ITPR2: variants seen among roughly 807,000 people sequenced by gnomAD.
ITPR2 encodes inositol 1,4,5-trisphosphate-gated calcium channel ITPR2.
Under a neutral mutation model 317.1 loss-of-function variants are expected in ITPR2, and 207 were observed. That is an observed-to-expected ratio of 0.65 (90% CI 0.58 to 0.73). The LOEUF (loss-of-function observed/expected upper bound fraction) is 0.73. ITPR2 is among the 30% of genes least tolerant of loss of function. The pLI is 0.00. For missense variants in ITPR2, 2,613 were observed against 3,284.0 expected (o/e 0.80, Z 4.99); for synonymous variants, 1,156 against 1,149.1 (o/e 1.01, Z -0.12).
intron 34 of ITPR2, among the ~76,000 whole-genome samples, chr12:26,576,123 T>C (rs1405499838): frequency 2.0e-5 from 3 of 152,244 alleles, no homozygotes; most frequent in Non-Finnish European, 4.4e-5. Flanking sequence ...TTCTTTGCTT[T>C]TCCTTTGATT....
chr12:26,531,833 T>C (rs1399112512), intron 37 of ITPR2, among the ~76,000 whole-genome samples: 1 of 152,188 alleles, frequency 6.6e-6, no homozygotes, highest in Non-Finnish European at 1.5e-5. Context: ...AGATACTTGC[T>C]TGAGGACAGA....
At chr12:26,712,737 A>C (rs574790001) in intron 8 of ITPR2, among the ~76,000 whole-genome samples, 2 of 152,258 alleles carry the variant, frequency 1.3e-5, no homozygotes, top group East Asian at 3.9e-4. Flanking sequence ...CAGACTAAGA[A>C]CTACTCTCCT....
chr12:26,549,624 C>T (rs1944475707), intron 37 of ITPR2, among the ~76,000 whole-genome samples: 1 of 151,974 alleles, frequency 6.6e-6, no homozygotes, highest in Non-Finnish European at 1.5e-5. Context: ...AAGTGTATCA[C>T]CTTGGGTATC....
chr12:26,623,409 C>T (rs1946546183), intron 24 of ITPR2: 1 of 152,102 alleles, frequency 6.6e-6, no homozygotes. Context: ...TCAGGTAACC[C>T]TTACTTTACT....
intron 2 of ITPR2, among the ~76,000 whole-genome samples, chr12:26,753,635 T>C (rs1253899669): frequency 6.6e-6 from 1 of 152,164 alleles, no homozygotes; most frequent in East Asian, 1.9e-4. Flanking sequence ...AATCACTGTT[T>C]ATCTTCTGTA....
intron 37 of ITPR2, among the ~76,000 whole-genome samples, chr12:26,546,454 T>C (rs920617036): frequency 1.3e-5 from 2 of 152,162 alleles, no homozygotes; most frequent in Non-Finnish European, 2.9e-5. Context: ...ATTTGTCTTT[T>C]TGTACCTGGC....
At chr12:26,391,112 G>A (rs922568986) in intron 54 of ITPR2, among the ~76,000 whole-genome samples, 1 of 152,178 alleles carries the variant, frequency 6.6e-6, no homozygotes, top group Non-Finnish European at 1.5e-5. Context: ...TGGAGAAGAA[G>A]TGAATGGTAA....
rs542242295 is a variant in ITPR2, at chr12:26,515,354, T to G, written c.5074-20094A>C. ...TTCTGGGGCAAGTGTGAACATTATT[T>G]TACTTCCATATTTGAACAGCACCTG... On this transcript the variant is annotated intron_variant, in intron 37 of 56. Coordinates refer to ENST00000381340, the MANE Select transcript of ITPR2 (RefSeq NM_002223.4). 2.6e-5 allele frequency among the ~76,000 whole-genome samples: 4 copies of G among 152,250 alleles called. No homozygotes were observed. The East Asian group carries it at 7.7e-4, about 29-fold the overall frequency.
chr12:26,567,906 A>G (rs1945017329), intron 34 of ITPR2, among the ~76,000 whole-genome samples: 1 of 144,032 alleles, frequency 6.9e-6, no homozygotes, highest in Non-Finnish European at 1.5e-5. Flanking sequence ...ATCCAAAGTT[A>G]GCTTACTTTT....
Position 26,578,779 on chromosome 12 carries a change from A to G in ITPR2, c.4564T>C (p.Cys1522Arg). The G allele has an allele frequency of 6.2e-7, 1 of 1,611,444 alleles. No individual in the cohort carries two copies. Among genetic ancestry groups the G allele is most frequent in the Non-Finnish European group, 8.5e-7 (1 of 1,178,012 alleles). The change falls in exon 34 of 57, where the codon TGC (cysteine) becomes CGC (arginine). Residue 1522 changes from cysteine to arginine, a missense_variant. Cys to Arg is a radical substitution (Grantham distance 180). This residue lies in a region of ITPR2 where 926 missense variants were observed against 1,072.8 expected (regional missense o/e 0.86). Transcript: ENST00000381340. ...TTCTGCGCTGGGTTTGGCCAGGTGCAATTGTAAATTCTGAAGGCAGATTGC... is the reference window on the plus strand; with the variant it reads ...TTCTGCGCTGGGTTTGGCCAGGTGCGATTGTAAATTCTGAAGGCAGATTGC... ...LLQSAFRIYN[C>R]TWPNPAQKAS...
intron 2 of ITPR2, among the ~76,000 whole-genome samples, chr12:26,785,632 C>T (rs1950222361): frequency 2.9e-5 from 1 of 34,840 alleles, no homozygotes; most frequent in Non-Finnish European, 6.9e-5. Flanking sequence ...GCCCAGCCAG[C>T]CGCCCCGTCC....
intron 1 of ITPR2, among the ~76,000 whole-genome samples, chr12:26,792,042 C>T (rs1209632752): frequency 2.0e-5 from 3 of 152,116 alleles, no homozygotes; most frequent in African/African-American, 2.4e-5. Context: ...ACTGAGTCCC[C>T]GCCTGTGTGG....
intron 43 of ITPR2, among the ~76,000 whole-genome samples, chr12:26,480,019 A>G (rs1044630167): frequency 3.9e-5 from 6 of 152,226 alleles, no homozygotes; most frequent in Non-Finnish European, 7.3e-5. Context: ...ATTTAGAAAC[A>G]GGATTAGAAA....
At chr12:26,830,906 T>A (rs1345689598) in intron 1 of ITPR2, among the ~76,000 whole-genome samples, 1 of 152,178 alleles carries the variant, frequency 6.6e-6, no homozygotes, top group Non-Finnish European at 1.5e-5. Flanking sequence ...ACCACAACCC[T>A]ATGAGGTAGA....
intron 45 of ITPR2, among the ~76,000 whole-genome samples, chr12:26,465,326 T>C (rs11048538): frequency 0.092 from 14,016 of 152,100 alleles, 1,367 homozygotes; most frequent in African/African-American, 0.23. Flanking sequence ...TTTAGATTGG[T>C]CAAAGAGGCA....
intron 22 of ITPR2, 97 bp downstream of exon 22, chr12:26,631,769 A>G (rs1946757126): frequency 1.6e-5 from 16 of 1,029,972 alleles, no homozygotes; most frequent in Non-Finnish European, 2.3e-5. Flanking sequence ...ATAGCATTTC[A>G]GAATATTTAC....
At chr12:26,772,234 T>C (rs1275179912) in intron 2 of ITPR2, among the ~76,000 whole-genome samples, 1 of 151,470 alleles carries the variant, frequency 6.6e-6, no homozygotes, top group Admixed American at 6.6e-5. Flanking sequence ...CAAGTCTACA[T>C]GTCCTTCCCT....
At chr12:26,798,536 G>A (rs566678809) in intron 1 of ITPR2, among the ~76,000 whole-genome samples, 7 of 152,240 alleles carry the variant, frequency 4.6e-5, no homozygotes, top group Admixed American at 1.3e-4. Flanking sequence ...TTCATTCACC[G>A]TAGTCTTAGA....
At chr12:26,384,478 A>G (rs992285254) in intron 55 of ITPR2, among the ~76,000 whole-genome samples, 2 of 152,182 alleles carry the variant, frequency 1.3e-5, no homozygotes, top group African/African-American at 4.8e-5. Flanking sequence ...ATGTTGGAAT[A>G]AGCTTGGGAG....
Sources: gnomAD v4.1 joint callset for allele counts (sites outside exome capture counted in the v4.1 genomes callset) on GRCh38, gnomAD v4.1.1 for gene constraint, gnomAD v4.1.1 regional missense constraint, MANE v1.5 for transcripts, NCBI Gene and HGNC (gene_info 2026-07-23, HGNC 2026-07-21) for gene names.